The following SETBP1 variants were observed in gnomAD, a reference collection of about 807,000 sequenced individuals.
The protein encoded by SETBP1 is SET-binding protein.
SETBP1 carries 9 observed loss-of-function variants against 101.0 expected under a neutral mutation model. The observed-to-expected ratio is 0.09, with a 90% confidence interval of 0.05 to 0.16. SETBP1 has a LOEUF of 0.16. SETBP1 is among the 10% of genes least tolerant of loss of function. The pLI is 1.00. For missense variants in SETBP1, 1,858 were observed against 2,033.8 expected (o/e 0.91, Z 1.66); for synonymous variants, 818 against 788.5 (o/e 1.04, Z -0.63).
At chr18:44,813,108 T>C (rs1037536347) in intron 2 of SETBP1, among the ~76,000 whole-genome samples, 22 of 152,202 alleles carry the variant, frequency 1.4e-4, no homozygotes, top group African/African-American at 5.3e-4. Flanking sequence ...CCAATGCGGT[T>C]TCTCTGTGAC....
chr18:44,882,496 T>C (rs977959028), intron 3 of SETBP1, among the ~76,000 whole-genome samples: 2 of 151,710 alleles, frequency 1.3e-5, no homozygotes, highest in Non-Finnish European at 2.9e-5. Context: ...ACAAGCAACC[T>C]TTGTGTCTTT....
At chr18:44,959,549 G>A (rs370055943) in intron 4 of SETBP1, among the ~76,000 whole-genome samples, 1 of 152,176 alleles carries the variant, frequency 6.6e-6, no homozygotes, top group Non-Finnish European at 1.5e-5. Flanking sequence ...CCTTCAAAGA[G>A]ACTACAATCC....
intron 2 of SETBP1, among the ~76,000 whole-genome samples, chr18:44,778,895 G>A (rs1039074367): frequency 9.3e-5 from 14 of 151,020 alleles, no homozygotes; most frequent in Non-Finnish European, 1.3e-4. Flanking sequence ...TTAATCCTGC[G>A]CAGTGTGGGG....
At chr18:44,977,398 C>T (rs59541575) in intron 4 of SETBP1, among the ~76,000 whole-genome samples, 7,467 of 152,254 alleles carry the variant, frequency 0.049, 639 homozygotes, top group African/African-American at 0.17. Context: ...AAGGAGCACC[C>T]GCCAGAAAAG....
At chr18:44,797,133 C>T (rs1220485810) in intron 2 of SETBP1, among the ~76,000 whole-genome samples, 2 of 152,160 alleles carry the variant, frequency 1.3e-5, no homozygotes, top group African/African-American at 4.8e-5. Context: ...GCAGTGGTCT[C>T]ATTTGTGGCC....
chr18:44,755,233 G>C (rs1198778564), intron 2 of SETBP1, among the ~76,000 whole-genome samples: 2 of 152,236 alleles, frequency 1.3e-5, no homozygotes, highest in Non-Finnish European at 2.9e-5. Flanking sequence ...AGATGCTTGT[G>C]TGATGGTTAA....
intron 4 of SETBP1, among the ~76,000 whole-genome samples, chr18:45,026,011 T>C (rs1250733318): frequency 2.0e-5 from 3 of 152,208 alleles, no homozygotes; most frequent in African/African-American, 7.2e-5. Context: ...GCAAATAAGG[T>C]GACCCAGTTA....
intron 2 of SETBP1, among the ~76,000 whole-genome samples, chr18:44,842,363 T>G (rs1266438903): frequency 6.6e-5 from 10 of 152,178 alleles, no homozygotes; most frequent in African/African-American, 2.4e-4. Context: ...ACTTCCTCTT[T>G]TAAAAGCATT....
chr18:45,042,195 G>T (rs1005783568), intron 5 of SETBP1, among the ~76,000 whole-genome samples: 3 of 139,974 alleles, frequency 2.1e-5, no homozygotes, highest in East Asian at 2.2e-4. Flanking sequence ...TGTCACTGAG[G>T]CTGGAATGCA....
chr18:44,896,223 TG>T (rs2069899557), intron 3 of SETBP1, among the ~76,000 whole-genome samples: 1 of 152,206 alleles, frequency 6.6e-6, no homozygotes, highest in Admixed American at 6.5e-5. Flanking sequence ...GAAAGTGGCT[TG>T]GAGGTCCACT....
chr18:45,057,502 G>T (rs1168824177), intron 5 of SETBP1, among the ~76,000 whole-genome samples: 2 of 152,116 alleles, frequency 1.3e-5, no homozygotes, highest in Non-Finnish European at 2.9e-5. Flanking sequence ...CCTGTGCTGG[G>T]AACTCTGGAA....
intron 4 of SETBP1, among the ~76,000 whole-genome samples, chr18:45,017,965 G>A (rs1355184782): frequency 6.6e-6 from 1 of 152,212 alleles, no homozygotes; most frequent in East Asian, 1.9e-4. Flanking sequence ...GGGTGCAGAG[G>A]TCTGAGTTGG....
Position 44,730,446 on chromosome 18 carries a change from G to A in SETBP1, c.486+28614G>A, listed in dbSNP as rs370445789. ...CGATCTGCTATACAGATATGTAGAT[G>A]GGGTGGTATGCAGGAGTCAGGGAAA... On this transcript the variant is annotated intron_variant, in intron 2 of 5. Coordinates refer to ENST00000649279, the MANE Select transcript of SETBP1 (RefSeq NM_015559.3). Among the ~76,000 whole-genome samples, 31 of 152,314 alleles carry A rather than the reference G, an allele frequency of 2.0e-4. 1 individual carries two copies. Among genetic ancestry groups the A allele is most frequent in the African/African-American group, 7.2e-4 (30 of 41,570 alleles).
intron 3 of SETBP1, among the ~76,000 whole-genome samples, chr18:44,879,596 A>AAAAC (rs1161019414): frequency 1.3e-5 from 2 of 152,178 alleles, no homozygotes; most frequent in Non-Finnish European, 2.9e-5. Flanking sequence ...TCCAACAGAA[A>AAAAC]AAACAAACAA....
chr18:45,008,582 G>T (rs1290758623), intron 4 of SETBP1, among the ~76,000 whole-genome samples: 1 of 152,192 alleles, frequency 6.6e-6, no homozygotes, highest in Non-Finnish European at 1.5e-5. Flanking sequence ...TCTACTTTGG[G>T]TTCCAACTTT....
intron 2 of SETBP1, among the ~76,000 whole-genome samples, chr18:44,866,169 C>T (rs1311220848): frequency 6.6e-6 from 1 of 152,234 alleles, no homozygotes; most frequent in African/African-American, 2.4e-5. Flanking sequence ...TACACTGAAA[C>T]ACCACCCAAT....
intron 2 of SETBP1, among the ~76,000 whole-genome samples, chr18:44,798,021 C>A (rs901455747): frequency 6.6e-6 from 1 of 152,108 alleles, no homozygotes; most frequent in Non-Finnish European, 1.5e-5. Flanking sequence ...ACCTGTTCTA[C>A]TAAAAGCATA....
chr18:44,979,233 G>A (rs2072058211), intron 4 of SETBP1, among the ~76,000 whole-genome samples: 1 of 152,184 alleles, frequency 6.6e-6, no homozygotes, highest in Admixed American at 6.5e-5. Context: ...CAATCTGAGA[G>A]GTCAACTCCA....
intron 4 of SETBP1, among the ~76,000 whole-genome samples, chr18:45,003,803 G>T (rs1360515248): frequency 2.6e-5 from 4 of 152,106 alleles, no homozygotes; most frequent in African/African-American, 9.7e-5. Context: ...TCTAAATGTG[G>T]TGACTCTCTT....
Sources: gnomAD v4.1 joint callset for allele counts (sites outside exome capture counted in the v4.1 genomes callset) on GRCh38, gnomAD v4.1.1 for gene constraint, MANE v1.5 for transcripts, NCBI Gene and HGNC (gene_info 2026-07-23, HGNC 2026-07-21) for gene names.